The following CCNY variants were observed in gnomAD, a reference collection of about 807,000 sequenced individuals.
CCNY encodes cyclin-Y.
Under a neutral mutation model 42.8 loss-of-function variants are expected in CCNY, and 19 were observed. That is an observed-to-expected ratio of 0.44 (90% CI 0.31 to 0.65). The LOEUF (loss-of-function observed/expected upper bound fraction) is 0.65, where lower values mean the gene tolerates loss of function less well. Among genes scored for constraint, CCNY ranks in the 30% least tolerant of loss-of-function variants. The pLI is 0.07. For synonymous variants in CCNY, 165 were observed against 162.7 expected, an observed-to-expected ratio of 1.01 and a Z score of -0.11; for missense variants, 370 against 437.3, an observed-to-expected ratio of 0.85 and a Z score of 1.37.
At chr10:35,401,126 C>G (rs984814084) in intron 1 of CCNY, among the ~76,000 whole-genome samples, 1 of 152,220 alleles carries the variant, frequency 6.6e-6, no homozygotes, top group East Asian at 1.9e-4. Context: ...TCAGCAGTTC[C>G]TATTTTTTGT....
intron 3 of CCNY, among the ~76,000 whole-genome samples, chr10:35,298,113 C>T (rs1835492617): frequency 6.6e-6 from 1 of 151,852 alleles, no homozygotes; most frequent in African/African-American, 2.4e-5. Flanking sequence ...GCTACAGTAA[C>T]CAAAACAGCA....
Position 35,336,561 on chromosome 10 carries a change from A to ACGCCCGCTGCC in CCNY, c.-484_-474dup, listed in dbSNP as rs1289723734. 2.0e-5 allele frequency among the ~76,000 whole-genome samples: 3 copies of ACGCCCGCTGCC among 147,120 alleles called. No individual in the cohort carries two copies. The highest frequency in any genetic ancestry group is 4.5e-5 in the Non-Finnish European group (3 of 66,268). ...CGCGAGGAGTCCGGGGGCTGCGCCC[A>ACGCCCGCTGCC]CGCCCGCTGCCCGCCCGCTCGTCGG... is the stretch of plus-strand genomic sequence containing the variant. On this transcript the variant is annotated 5_prime_UTR_variant, in exon 1 of 10. Coordinates refer to ENST00000374704, the MANE Select transcript of CCNY (RefSeq NM_145012.6).
intron 7 of CCNY, among the ~76,000 whole-genome samples, chr10:35,550,828 G>A (rs564391543): frequency 2.0e-5 from 3 of 152,068 alleles, no homozygotes; most frequent in African/African-American, 7.2e-5. Flanking sequence ...AATGGAAGGG[G>A]CCCTCCAGTC....
intron 9 of CCNY, among the ~76,000 whole-genome samples, chr10:35,567,570 A>T (rs567487697): frequency 6.6e-6 from 1 of 152,268 alleles, no homozygotes; most frequent in South Asian, 2.1e-4. Flanking sequence ...CGTGCTGCCC[A>T]CACCACTGCC....
chr10:35,370,362 A>T (rs1456332923), intron 1 of CCNY, among the ~76,000 whole-genome samples: 1 of 152,024 alleles, frequency 6.6e-6, no homozygotes, highest in Non-Finnish European at 1.5e-5. Flanking sequence ...CGTGTTAGCC[A>T]GGATGGTCTT....
At chr10:35,284,605 C>G (rs1228519698) in intron 3 of CCNY, among the ~76,000 whole-genome samples, 1 of 151,942 alleles carries the variant, frequency 6.6e-6, no homozygotes, top group African/African-American at 2.4e-5. Flanking sequence ...CGTTTATTTT[C>G]AATTTTGTTG....
intron 3 of CCNY, among the ~76,000 whole-genome samples, chr10:35,271,005 G>A (rs1457006605): frequency 6.6e-6 from 1 of 152,130 alleles, no homozygotes. Context: ...GATTACAGGT[G>A]TGAGCCACCA....
intron 1 of CCNY, among the ~76,000 whole-genome samples, chr10:35,361,079 G>A (rs1011510258): frequency 6.6e-6 from 1 of 152,014 alleles, no homozygotes; most frequent in South Asian, 2.1e-4. Flanking sequence ...GGCTGGTCTC[G>A]AACTCCTGGC....
intron 7 of CCNY, among the ~76,000 whole-genome samples, chr10:35,542,439 C>T (rs1376505253): frequency 6.6e-6 from 1 of 152,120 alleles, no homozygotes; most frequent in Non-Finnish European, 1.5e-5. Context: ...TTTGTAGTCA[C>T]TCTTTTTCTC....
intron 1 of CCNY, among the ~76,000 whole-genome samples, chr10:35,435,439 C>G (rs754064243): frequency 3.9e-5 from 6 of 152,194 alleles, no homozygotes; most frequent in Non-Finnish European, 8.8e-5. Context: ...ACAGTGTGGC[C>G]TAGTGGGTCA....
chr10:35,421,351 A>T (rs1589109971), intron 1 of CCNY, among the ~76,000 whole-genome samples: 2 of 151,972 alleles, frequency 1.3e-5, no homozygotes, highest in East Asian at 3.9e-4. Flanking sequence ...GCTTGGCACC[A>T]CTCTCTCTCT....
At chr10:35,545,941 G>T (rs772841313) in intron 7 of CCNY, among the ~76,000 whole-genome samples, 3 of 152,046 alleles carry the variant, frequency 2.0e-5, no homozygotes, top group Non-Finnish European at 4.4e-5. Context: ...AATTATTTTT[G>T]TTGGCCATAA....
chr10:35,262,846 A>G (rs1243110667), intron 3 of CCNY, among the ~76,000 whole-genome samples: 25 of 151,994 alleles, frequency 1.6e-4, no homozygotes, highest in Non-Finnish European at 4.4e-5. Flanking sequence ...AAGTACCTTG[A>G]CTCAATCCAT....
chr10:35,430,336 CAAAAAAA>C (rs397954370), intron 1 of CCNY, among the ~76,000 whole-genome samples: 5,690 of 55,462 alleles, frequency 0.1, 166 homozygotes, highest in African/African-American at 0.18. Flanking sequence ...GACTCCGTCT[CAAAAAAA>C]AAAAAAAAAA....
rs1376282475 is a variant in CCNY, at chr10:35,252,962, AT to A, written c.-9+2337del. ...GTATCTTAACTATGAGGTTAAAAAA[AT>A]ATTCCATACAATTTTACCACTACAA... On this transcript the variant is annotated intron_variant, in intron 3 of 11. Transcript: ENST00000374706. Among the ~76,000 whole-genome samples the A allele has an allele frequency of 4.6e-5, 7 of 152,200 alleles. 1 individual carries two copies. The South Asian group carries it at 1.0e-3, about 22-fold the overall frequency.
At chr10:35,449,986 G>C (rs1451832568) in intron 1 of CCNY, among the ~76,000 whole-genome samples, 1 of 152,202 alleles carries the variant, frequency 6.6e-6, no homozygotes, top group Non-Finnish European at 1.5e-5. Flanking sequence ...GCTTGGGGCA[G>C]AGGAGATGGG....
At chr10:35,500,515 C>T (rs1840089723) in intron 2 of CCNY, among the ~76,000 whole-genome samples, 1 of 152,204 alleles carries the variant, frequency 6.6e-6, no homozygotes, top group Admixed American at 6.5e-5. Flanking sequence ...AGAAAACCTT[C>T]TTCTATCTTT....
chr10:35,334,670 G>A (rs530997624), upstream of CCNY, among the ~76,000 whole-genome samples: 11 of 152,264 alleles, frequency 7.2e-5, no homozygotes, highest in South Asian at 8.3e-4. Flanking sequence ...TATTTTCCAT[G>A]GACATCTGCC....
intron 3 of CCNY, among the ~76,000 whole-genome samples, chr10:35,320,677 T>C (rs1195783205): frequency 6.6e-6 from 1 of 152,200 alleles, no homozygotes; most frequent in Non-Finnish European, 1.5e-5. Flanking sequence ...GAAATAAAAC[T>C]GTCTATCTGC....
Sources: gnomAD v4.1 joint callset for allele counts (sites outside exome capture counted in the v4.1 genomes callset) on GRCh38, gnomAD v4.1.1 for gene constraint, MANE v1.5 for transcripts, NCBI Gene and HGNC (gene_info 2026-07-23, HGNC 2026-07-21) for gene names.